Variants in ZNF653 observed in about 807,000 individuals in gnomAD.
ZNF653 encodes the protein zinc finger protein 653.
Under a neutral mutation model 59.9 loss-of-function variants are expected in ZNF653, and 37 were observed. That is an observed-to-expected ratio of 0.62 (90% CI 0.48 to 0.81). The LOEUF (loss-of-function observed/expected upper bound fraction) is 0.81, where lower values mean the gene tolerates loss of function less well. Among genes scored for constraint, ZNF653 ranks in the 40% least tolerant of loss-of-function variants. The probability of loss-of-function intolerance (pLI) is 0.00; values close to 1 mark genes in which losing one functional copy is unlikely to be tolerated. For synonymous variants in ZNF653, 435 were observed against 371.8 expected, an observed-to-expected ratio of 1.17 and a Z score of -1.96; for missense variants, 808 against 881.1, an observed-to-expected ratio of 0.92 and a Z score of 1.05.
intron 6 of ZNF653, 62 bp downstream of exon 6, chr19:11,486,707 T>G: frequency 7.3e-7 from 1 of 1,377,130 alleles, no homozygotes; most frequent in Non-Finnish European, 1.0e-6. Flanking sequence ...TAGGACATCC[T>G]GGTGGTGCCA....
chr19:11,493,945 G>C (rs1446085267), intron 3 of ZNF653, among the ~76,000 whole-genome samples: 1 of 152,114 alleles, frequency 6.6e-6, no homozygotes, highest in Non-Finnish European at 1.5e-5. Flanking sequence ...CTTGAGCCCA[G>C]GAATTGGAGG....
chr19:11,497,984 G>A (rs942468796), intron 2 of ZNF653, among the ~76,000 whole-genome samples: 30 of 152,332 alleles, frequency 2.0e-4, no homozygotes, highest in Middle Eastern at 3.4e-3. Context: ...GTGGCCAGCA[G>A]GACAGGAGGA....
chr19:11,485,289 G>C (rs1480155185), intron 7 of ZNF653, among the ~76,000 whole-genome samples: 1 of 151,918 alleles, frequency 6.6e-6, no homozygotes, highest in Non-Finnish European at 1.5e-5. Flanking sequence ...GCTGCTGCTT[G>C]GGTGGGCACT....
In ZNF653 at chr19:11,496,176, A is replaced by G. The variant is rs1971586244; in HGVS notation, c.344-11T>C. On this transcript the variant is annotated splice_polypyrimidine_tract_variant and intron_variant, in intron 2 of 8. Transcript: ENST00000293771. ...CGTTGCGTCGCCGCCCTATGGACAC[A>G]GGGCCGAGGAGTGGGTATAAGGGAC... 1 of 1,612,140 alleles carries G rather than the reference A, an allele frequency of 6.2e-7. No homozygotes were observed. The highest frequency in any genetic ancestry group is 8.5e-7 in the Non-Finnish European group (1 of 1,179,620).
chr19:11,498,737 C>T (rs1355116745), intron 1 of ZNF653, among the ~76,000 whole-genome samples: 1 of 150,996 alleles, frequency 6.6e-6, no homozygotes, highest in African/African-American at 2.4e-5. Flanking sequence ...AGCCGCCACG[C>T]CTGCCCTGAA....
chr19:11,484,061 T>G lies in ZNF653; in HGVS notation c.1651A>C (p.Thr551Pro). ...NHLEVHRRTH[T>P]GETPLQCEIC... Reference sequence around the variant, plus strand: ...ACTCACTGCAGGGGGGTCTCGCCGGTGTGGGTGCGCCGATGTACCTCCAGG... The same window carrying G: ...ACTCACTGCAGGGGGGTCTCGCCGGGGTGGGTGCGCCGATGTACCTCCAGG... Residue 551 changes from threonine (T) to proline (P), a missense_variant, in exon 8 of 9, where the codon ACC becomes CCC. Thr to Pro is a conservative substitution (Grantham distance 38). Coordinates refer to ENST00000293771, the MANE Select transcript of ZNF653 (RefSeq NM_138783.4). 1 of 1,557,890 alleles carries G rather than the reference T, an allele frequency of 6.4e-7. No individual in the cohort carries two copies. Among genetic ancestry groups the G allele is most frequent in the Non-Finnish European group, 8.7e-7 (1 of 1,150,714 alleles).
chr19:11,497,995 G>A (rs1022700165), intron 2 of ZNF653, among the ~76,000 whole-genome samples: 7 of 152,200 alleles, frequency 4.6e-5, no homozygotes, highest in African/African-American at 1.7e-4. Context: ...GACAGGAGGA[G>A]CAAGCTCCAG....
In ZNF653 at chr19:11,487,122, T is replaced by C. The variant is rs1599560685; in HGVS notation, c.1208A>G (p.Lys403Arg). Residue 403 changes from lysine to arginine, a missense_variant, in exon 5 of 9, where the codon AAG becomes AGG. By Grantham distance (26) the Lys-to-Arg change is conservative. Coordinates refer to ENST00000293771, the MANE Select transcript of ZNF653 (RefSeq NM_138783.4). The surrounding 1 kb of genome is among the most constrained non-coding windows in gnomAD (Gnocchi z 5.1). The stretch of plus-strand genomic sequence containing the variant: ...CAGCTCCGGGGCTACTGGCTCCTCC[T>C]TCTCCTCCTTCTTTAGCAAGCACAG... ...EDLCLLKKEE[K>R]EEPVAPELAT... The C allele has an allele frequency of 6.2e-7, 1 of 1,612,950 alleles. No individual in the cohort carries two copies. Among genetic ancestry groups the C allele is most frequent in the East Asian group, 2.2e-5 (1 of 44,878 alleles).
intron 6 of ZNF653, 131 bp downstream of exon 6, chr19:11,486,638 C>A (rs1294195168): frequency 4.1e-6 from 3 of 730,446 alleles, no homozygotes; most frequent in Non-Finnish European, 6.8e-6. Flanking sequence ...TGGGGTGTGA[C>A]AAGTCCCTGT....
rs1477843826 is a variant in ZNF653 at position 11,487,150 on chromosome 19, C to T, written c.1180G>A (p.Asp394Asn). 1.9e-5 allele frequency: 30 copies of T among 1,611,124 alleles called. No individual in the cohort carries two copies. The highest frequency in any genetic ancestry group is 2.5e-5 in the Non-Finnish European group (30 of 1,179,918). Residue 394 changes from aspartate to asparagine, a missense_variant, in exon 5 of 9, where the codon GAC (aspartate) becomes AAC (asparagine). Asp to Asn is a conservative substitution (Grantham distance 23, BLOSUM62 1). Transcript: ENST00000293771. This position sits in a 1 kb window ranked among gnomAD's most constrained non-coding sequence, Gnocchi z 5.1. ...TCCTCCTTCTTTAGCAAGCACAGGT[C>T]CTCCTTCTCTACAGGGTGGACACAG... Reference protein sequence around the residue: ...AGIETKKEKEDLCLLKKEEKE... With the variant: ...AGIETKKEKENLCLLKKEEKE...
chr19:11,505,134 G>A, intron 1 of ZNF653: 1 of 234,782 alleles, frequency 4.3e-6, no homozygotes. Flanking sequence ...GGGGGAGGAT[G>A]AGACCGGTGA....
intron 6 of ZNF653, 54 bp downstream of exon 6, chr19:11,486,715 C>T: frequency 7.0e-7 from 1 of 1,437,498 alleles, no homozygotes; most frequent in Non-Finnish European, 9.5e-7. Flanking sequence ...CCTGGTGGTG[C>T]CATGGCCTGG....
chr19:11,491,819 C>T (rs975653957), intron 3 of ZNF653, among the ~76,000 whole-genome samples: 2 of 151,978 alleles, frequency 1.3e-5, no homozygotes, highest in African/African-American at 4.8e-5. Flanking sequence ...CCTCATGATC[C>T]GCCCACCTCG....
intron 3 of ZNF653, among the ~76,000 whole-genome samples, chr19:11,489,459 A>G (rs1485463914): frequency 6.6e-6 from 1 of 152,146 alleles, no homozygotes; most frequent in Non-Finnish European, 1.5e-5. Flanking sequence ...CGGGCCTCCC[A>G]AAGTGCTGGA....
chr19:11,505,665 T>A lies in ZNF653; in HGVS notation c.122A>T (p.Glu41Val), dbSNP rs1019086216. Reference sequence around the variant, plus strand: ...GAGCCGTCGCCGGGCCCGGTCCGACTCCGTGAGTCGCGGCCGGCCCCGCGC... The same window carrying A: ...GAGCCGTCGCCGGGCCCGGTCCGACACCGTGAGTCGCGGCCGGCCCCGCGC... ...RKARGRPRLT[E>V]SDRARRRLES... The change falls in exon 1 of 9, where the codon GAG becomes GTG. Residue 41 changes from glutamate (E) to valine (V), a missense_variant. By Grantham distance (121) the Glu-to-Val change is moderately radical. Coordinates refer to ENST00000293771, the MANE Select transcript of ZNF653 (RefSeq NM_138783.4). 4 of 1,494,394 alleles carry A rather than the reference T, an allele frequency of 2.7e-6. No homozygotes were observed. Among genetic ancestry groups the A allele is most frequent in the Non-Finnish European group, 3.5e-6 (4 of 1,129,768 alleles). The allele number at this position is 1,494,394 out of a possible 1,614,324, so 92.6% of individuals were successfully genotyped here. A position where few individuals can be genotyped will look rare whatever the true frequency, so the allele number is the denominator to read the frequency against.
In ZNF653 at chr19:11,483,611, C is replaced by T. The variant is rs1474704253; in HGVS notation, c.*71G>A. 2 of 1,558,480 alleles carry T rather than the reference C, an allele frequency of 1.3e-6. No individual in the cohort carries two copies. Among genetic ancestry groups the T allele is most frequent in the Non-Finnish European group, 1.7e-6 (2 of 1,146,410 alleles). On this transcript the variant is annotated 3_prime_UTR_variant, in exon 9 of 9. Transcript: ENST00000293771. ...CGGTCCGGGCGGCCCTCGCAGCTGT[C>T]CAGGCCCCGGCAAGCCCGGGCGTGG...
At chr19:11,505,378 G>T (rs562528289) in intron 1 of ZNF653, 110 bp downstream of exon 1, 1 of 1,167,442 alleles carries the variant, frequency 8.6e-7, no homozygotes, top group Non-Finnish European at 1.1e-6. Context: ...GCTCCTGGGC[G>T]GGGTCCGCAG....
At chr19:11,498,262 CT>C in intron 2 of ZNF653, 33 bp downstream of exon 2, 4 of 1,613,706 alleles carry the variant, frequency 2.5e-6, no homozygotes, top group Non-Finnish European at 3.4e-6. Flanking sequence ...GCTCCCAACT[CT>C]CCCCACCTCC....
chr19:11,489,179 C>T (rs2144937612), intron 3 of ZNF653, among the ~76,000 whole-genome samples: 1 of 151,558 alleles, frequency 6.6e-6, no homozygotes, highest in South Asian at 2.1e-4. Context: ...GAATTATAGT[C>T]ATGAGCCACC....
Sources: gnomAD v4.1 joint callset for allele counts (sites outside exome capture counted in the v4.1 genomes callset) on GRCh38, gnomAD v4.1.1 for gene constraint, Gnocchi (gnomAD v3.1) non-coding constraint, MANE v1.5 for transcripts, NCBI Gene and HGNC (gene_info 2026-07-23, HGNC 2026-07-21) for gene names.